Variants in ENOX1 observed in about 807,000 individuals in gnomAD.
ENOX1 encodes ecto-NOX disulfide-thiol exchanger 1, also known as candidate growth-related and time keeping constitutive hydroquinone (NADH) oxidase.
A neutral mutation model predicts 82.5 loss-of-function variants in ENOX1; 42 were observed. The ratio of observed to expected loss-of-function variants is 0.51; its 90% CI spans 0.40 to 0.66. ENOX1 has a LOEUF of 0.66. ENOX1 is among the 30% of genes least tolerant of loss of function. The pLI, the probability that ENOX1 is intolerant of heterozygous loss-of-function variation, is 0.00. For missense variants in ENOX1, 608 were observed against 811.6 expected (o/e 0.75, Z 3.05); for synonymous variants, 271 against 282.2 (o/e 0.96, Z 0.40).
chr13:43,420,872 G>T lies in ENOX1; in HGVS notation c.-74-7884C>A, dbSNP rs141290227. Among the ~76,000 whole-genome samples, 14 of 152,246 alleles carry T rather than the reference G, an allele frequency of 9.2e-5. No homozygotes were observed. The East Asian group carries it at 2.7e-3, about 29-fold the overall frequency. On this transcript the variant is annotated intron_variant, in intron 3 of 16. Transcript: ENST00000690772. ...AATGGGATTATATAACATCCTACAT[G>T]ATAACGCATGATAAAGACTCAAATC...
intron 5 of ENOX1, among the ~76,000 whole-genome samples, chr13:43,388,678 A>G (rs1190197444): frequency 6.6e-6 from 1 of 152,184 alleles, no homozygotes; most frequent in African/African-American, 2.4e-5. Flanking sequence ...AAAAGCAGTA[A>G]CTGCCCTCGG....
chr13:43,688,778 G>A (rs1307198596), intron 1 of ENOX1, among the ~76,000 whole-genome samples: 1 of 152,142 alleles, frequency 6.6e-6, no homozygotes, highest in Non-Finnish European at 1.5e-5. Flanking sequence ...GGGTCAGAGG[G>A]AAGGAGGCAG....
At chr13:43,619,911 A>C (rs973896010) in intron 2 of ENOX1, among the ~76,000 whole-genome samples, 1 of 152,042 alleles carries the variant, frequency 6.6e-6, no homozygotes, top group Admixed American at 6.5e-5. Context: ...TAATCTTTTA[A>C]TTACAATTTG....
At chr13:43,270,489 G>A (rs2044623263) in intron 12 of ENOX1, among the ~76,000 whole-genome samples, 1 of 152,160 alleles carries the variant, frequency 6.6e-6, no homozygotes, top group Non-Finnish European at 1.5e-5. Context: ...GTCTCCAATA[G>A]CCAGGCTACT....
At chr13:43,470,862 A>G (rs1381917199) in intron 3 of ENOX1, among the ~76,000 whole-genome samples, 1 of 152,162 alleles carries the variant, frequency 6.6e-6, no homozygotes, top group African/African-American at 2.4e-5. Context: ...CTAAAAAGTC[A>G]GACTGCACCA....
At chr13:43,753,966 T>TGTATTTCTTCTGTGTATATAAGCTGAC (rs1236019727) in intron 1 of ENOX1, among the ~76,000 whole-genome samples, 2 of 143,538 alleles carry the variant, frequency 1.4e-5, no homozygotes, top group Non-Finnish European at 3.0e-5. Context: ...CATAAACTGA[T>TGTATTTCTTCTGTGTATATAAGCTGAC]GTATTTCTTC....
At chr13:43,689,672 T>C (rs1388037136) in intron 1 of ENOX1, among the ~76,000 whole-genome samples, 1 of 152,240 alleles carries the variant, frequency 6.6e-6, no homozygotes, top group Non-Finnish European at 1.5e-5. Context: ...AAGCTCTCTC[T>C]ATAGGAGAAA....
At chr13:43,467,256 C>T (rs2057768411) in intron 3 of ENOX1, among the ~76,000 whole-genome samples, 2 of 152,310 alleles carry the variant, frequency 1.3e-5, no homozygotes, top group Non-Finnish European at 2.9e-5. Flanking sequence ...AAATTTACCA[C>T]ATCTCTGTCA....
At chr13:43,504,907 T>C (rs968358659) in intron 2 of ENOX1, among the ~76,000 whole-genome samples, 1 of 151,702 alleles carries the variant, frequency 6.6e-6, no homozygotes, top group Non-Finnish European at 1.5e-5. Context: ...TATATACTTA[T>C]CTCTAACTCA....
intron 2 of ENOX1, among the ~76,000 whole-genome samples, chr13:43,554,453 C>T (rs909785542): frequency 2.0e-5 from 3 of 152,180 alleles, no homozygotes; most frequent in South Asian, 2.1e-4. Context: ...CATTCATTAT[C>T]TCCTTTGATT....
At chr13:43,714,567 A>C (rs1028703053) in intron 1 of ENOX1, among the ~76,000 whole-genome samples, 43 of 152,244 alleles carry the variant, frequency 2.8e-4, no homozygotes, top group African/African-American at 7.9e-4. Flanking sequence ...TTGTAGGTCA[A>C]TAAGGACTTG....
intron 16 of ENOX1, among the ~76,000 whole-genome samples, chr13:43,218,655 G>A (rs1290970276): frequency 6.6e-6 from 1 of 152,138 alleles, no homozygotes; most frequent in Non-Finnish European, 1.5e-5. Context: ...GCTAATTCTA[G>A]AAGAATTCCT....
At chr13:43,338,926 C>T (rs1329705747) in intron 9 of ENOX1, among the ~76,000 whole-genome samples, 3 of 152,098 alleles carry the variant, frequency 2.0e-5, no homozygotes, top group African/African-American at 7.2e-5. Context: ...ACCTCGTGAT[C>T]CGCCCGCCTT....
chr13:43,313,766 T>C (rs963382950), intron 11 of ENOX1, among the ~76,000 whole-genome samples: 1 of 152,228 alleles, frequency 6.6e-6, no homozygotes, highest in African/African-American at 2.4e-5. Context: ...ATTGAGAACT[T>C]TCTTTCATTC....
intron 1 of ENOX1, among the ~76,000 whole-genome samples, chr13:43,687,605 T>TTA (rs1279165900): frequency 6.6e-6 from 1 of 152,186 alleles, no homozygotes; most frequent in African/African-American, 2.4e-5. Flanking sequence ...CTTCTTATTT[T>TTA]AAGTTGCAGG....
chr13:43,743,734 G>A (rs370565780), intron 1 of ENOX1, among the ~76,000 whole-genome samples: 8 of 152,238 alleles, frequency 5.3e-5, no homozygotes, highest in East Asian at 3.9e-4. Flanking sequence ...GAATTTCTTC[G>A]GATTTAGCAG....
At chr13:43,485,423 G>A (rs1007845381) in intron 2 of ENOX1, among the ~76,000 whole-genome samples, 1 of 152,158 alleles carries the variant, frequency 6.6e-6, no homozygotes, top group Non-Finnish European at 1.5e-5. Context: ...GTCCCTTAGA[G>A]AGACTAGAAA....
In ENOX1 at chr13:43,628,846, G is replaced by A. The variant is rs577290506; in HGVS notation, c.-219+38633C>T. Among the ~76,000 whole-genome samples the A allele has an allele frequency of 3.9e-5, 6 of 152,258 alleles. No homozygotes were observed. The South Asian group carries it at 1.2e-3, about 32-fold the overall frequency. ...ACTTGGCCTTCGCTGACACCCAAGT[G>A]GGAATTTATTTTAACTGCTGGATAT... On this transcript the variant is annotated intron_variant, in intron 2 of 16. Coordinates refer to ENST00000690772, the MANE Select transcript of ENOX1 (RefSeq NM_001347969.2).
chr13:43,420,189 G>A (rs1345168729), intron 3 of ENOX1, among the ~76,000 whole-genome samples: 1 of 152,180 alleles, frequency 6.6e-6, no homozygotes, highest in East Asian at 1.9e-4. Flanking sequence ...TTATGGAAAT[G>A]TTCCACGGTT....
Sources: allele counts gnomAD v4.1 joint callset (sites outside exome capture counted in the v4.1 genomes callset), GRCh38; gene constraint gnomAD v4.1.1; transcripts MANE v1.5; gene names NCBI Gene and HGNC (gene_info 2026-07-23, HGNC 2026-07-21).